PLAA: variants seen among roughly 807,000 people sequenced by gnomAD.
The protein encoded by PLAA is phospholipase A2 activating protein.
In PLAA, 48 loss-of-function variants were observed where a neutral mutation model predicts 84.1. That is an observed-to-expected ratio of 0.57 (90% CI 0.45 to 0.73). The LOEUF (loss-of-function observed/expected upper bound fraction) is 0.73, where lower values mean the gene tolerates loss of function less well. PLAA is among the 30% of genes least tolerant of loss of function. The pLI is 0.00. For missense variants in PLAA, 903 were observed against 954.7 expected, an observed-to-expected ratio of 0.95 and a Z score of 0.71; for synonymous variants, 392 against 336.6, an observed-to-expected ratio of 1.16 and a Z score of -1.80.
chr9:26,913,537 C>T (rs1053623224), intron 11 of PLAA, among the ~76,000 whole-genome samples: 4 of 152,062 alleles, frequency 2.6e-5, no homozygotes, highest in South Asian at 4.1e-4. Context: ...AGCAGATTTA[C>T]GACAGTAAAA....
At chr9:26,927,676 T>C (rs1185261873) in intron 4 of PLAA, among the ~76,000 whole-genome samples, 5 of 152,186 alleles carry the variant, frequency 3.3e-5, no homozygotes, top group Admixed American at 6.5e-5. Context: ...AAATTCGTTA[T>C]AAACAATGTG....
intron 6 of PLAA, 134 bp downstream of exon 6, chr9:26,925,691 T>C (rs1416631616): frequency 2.9e-6 from 2 of 679,730 alleles, no homozygotes; most frequent in African/African-American, 3.6e-5. Flanking sequence ...CTACTACTGT[T>C]TTGTTTAGTA....
chr9:26,938,717 G>C (rs1825435367), intron 1 of PLAA, among the ~76,000 whole-genome samples: 1 of 152,080 alleles, frequency 6.6e-6, no homozygotes, highest in South Asian at 2.1e-4. Flanking sequence ...AAATACGATA[G>C]TGGTTTATAA....
In PLAA at chr9:26,906,449, G is replaced by GA. The variant is rs1243571554; in HGVS notation, c.1823-374dup. Among the ~76,000 whole-genome samples the GA allele has an allele frequency of 1.4e-3, 158 of 110,312 alleles. No homozygotes were observed. In the East Asian group the frequency reaches 0.034, roughly 24 times the overall value. The allele number at this position is 110,312 out of a possible 152,430, so 72.4% of individuals were successfully genotyped here. A position where few individuals can be genotyped will look rare whatever the true frequency, so the allele number is the denominator to read the frequency against. On this transcript the variant is annotated intron_variant, in intron 13 of 13. Transcript: ENST00000397292. The stretch of plus-strand genomic sequence containing the variant: ...TTTTTTTTTTTTTTTTTTTTTTTGA[G>GA]ACAGTTTCACTCCTGTTGCCCAGGC...
At chr9:26,910,303 G>A (rs545039236) in intron 12 of PLAA, 35 bp downstream of exon 12, 1 of 1,462,480 alleles carries the variant, frequency 6.8e-7, no homozygotes, top group Admixed American at 1.7e-5. Context: ...CAAACAGTCT[G>A]TGAATATGTG....
chr9:26,927,127 C>CTTTTTTTTTTTTTTTTTTT (rs10672584), intron 4 of PLAA, among the ~76,000 whole-genome samples: 1 of 136,784 alleles, frequency 7.3e-6, no homozygotes, highest in African/African-American at 2.8e-5. Flanking sequence ...TTTTGTTTTT[C>CTTTTTTTTTTTTTTTTTTT]TTTTTTTTTT....
At chr9:26,929,761 T>C (rs1478549832) in intron 2 of PLAA, among the ~76,000 whole-genome samples, 1 of 152,204 alleles carries the variant, frequency 6.6e-6, no homozygotes, top group Non-Finnish European at 1.5e-5. Flanking sequence ...TTGGGTATGG[T>C]TGACAGCTTA....
At chr9:26,908,929 CCTA>C (rs1678225534) in intron 12 of PLAA, among the ~76,000 whole-genome samples, 1 of 152,144 alleles carries the variant, frequency 6.6e-6, no homozygotes, top group South Asian at 2.1e-4. Flanking sequence ...GAGTTAAATG[CCTA>C]CTGATAACAT....
intron 9 of PLAA, among the ~76,000 whole-genome samples, chr9:26,917,606 A>T (rs528666449): frequency 6.6e-6 from 1 of 152,308 alleles, no homozygotes; most frequent in East Asian, 1.9e-4. Context: ...TGTGTCAAAC[A>T]ATGGACTCAG....
In PLAA at chr9:26,947,122, G is replaced by T; in HGVS notation, c.-77C>A. ...GCAGGGGCGACTCGGAGAGCGCCGG[G>T]CCGCGGCGGGAGAAGAGCCTGCAGG... On this transcript the variant is annotated 5_prime_UTR_variant, in exon 1 of 14. Transcript: ENST00000397292. The T allele has an allele frequency of 2.9e-6, 4 of 1,392,910 alleles. No individual in the cohort carries two copies. The highest frequency in any genetic ancestry group is 3.7e-6 in the Non-Finnish European group (4 of 1,070,216). The allele number at this position is 1,392,910 out of a possible 1,614,324, so 86.3% of individuals were successfully genotyped here. A position where few individuals can be genotyped will look rare whatever the true frequency, so the allele number is the denominator to read the frequency against.
intron 1 of PLAA, among the ~76,000 whole-genome samples, chr9:26,937,039 G>A (rs991479550): frequency 6.6e-6 from 1 of 152,078 alleles, no homozygotes; most frequent in Non-Finnish European, 1.5e-5. Flanking sequence ...TACTTGGGAG[G>A]CCGAGGCAAG....
At position 26,925,825 on chromosome 9, in the gene PLAA, C is replaced by G. The variant is rs1328200146; in HGVS notation, c.869G>C (p.Ser290Thr). 1 of 1,613,580 alleles carries G rather than the reference C, an allele frequency of 6.2e-7. No individual in the cohort carries two copies. The highest frequency in any genetic ancestry group is 2.2e-5 in the East Asian group (1 of 44,850). ...LDNGDIVVGASDGIIRVFTES... is the reference protein window; with the variant it reads ...LDNGDIVVGATDGIIRVFTES... ...TAATGATTGACTAGAATATAAATAC[C>G]TCGCACCAACCACAATGTCACCATT... Residue 290 changes from serine to threonine, a missense_variant and splice_region_variant, in exon 6 of 14, where the codon AGT (serine) becomes ACT (threonine). Transcript: ENST00000397292.
chr9:26,932,727 T>C (rs1027269662), intron 2 of PLAA, among the ~76,000 whole-genome samples: 1 of 152,208 alleles, frequency 6.6e-6, no homozygotes, highest in Non-Finnish European at 1.5e-5. Context: ...AAATAAGATA[T>C]CTCTACTTCT....
Position 26,933,661 on chromosome 9 carries a change from C to A in PLAA, c.343+1352G>T, listed in dbSNP as rs1408704332. Among the ~76,000 whole-genome samples the A allele has an allele frequency of 2.0e-5, 3 of 151,216 alleles. No homozygotes were observed. The South Asian group carries it at 6.3e-4, about 32-fold the overall frequency. Reference sequence around the variant, plus strand: ...AAAATTAGCCGGGCGTGGTAGCAGGCGCCTGTAGTCCCAGCTACTCGGCAG... The same window carrying A: ...AAAATTAGCCGGGCGTGGTAGCAGGAGCCTGTAGTCCCAGCTACTCGGCAG... On this transcript the variant is annotated intron_variant, in intron 2 of 13. Coordinates refer to ENST00000397292, the MANE Select transcript of PLAA (RefSeq NM_001031689.3).
intron 1 of PLAA, among the ~76,000 whole-genome samples, chr9:26,935,951 A>G (rs1010729828): frequency 6.6e-6 from 1 of 151,922 alleles, no homozygotes; most frequent in African/African-American, 2.4e-5. Context: ...TGTGACATGT[A>G]TCAATCACTT....
intron 1 of PLAA, among the ~76,000 whole-genome samples, chr9:26,941,024 G>A (rs1054430846): frequency 1.3e-5 from 2 of 152,038 alleles, no homozygotes; most frequent in Non-Finnish European, 2.9e-5. Context: ...TTCGGTAGTG[G>A]TCTGTGAAGT....
chr9:26,923,129 A>G (rs780799523), intron 7 of PLAA, 49 bp downstream of exon 7: 1 of 1,364,044 alleles, frequency 7.3e-7, no homozygotes, highest in African/African-American at 1.5e-5. Context: ...AATTGTTCCA[A>G]AAGCCAAATA....
intron 1 of PLAA, 106 bp from the exon 2 acceptor site, chr9:26,935,312 A>G (rs1416089376): frequency 1.6e-6 from 1 of 612,212 alleles, no homozygotes; most frequent in Non-Finnish European, 2.7e-6. Flanking sequence ...CAAACTTTAG[A>G]GTATATACTA....
chr9:26,933,023 A>C (rs1352729697), intron 2 of PLAA, among the ~76,000 whole-genome samples: 1 of 152,058 alleles, frequency 6.6e-6, no homozygotes, highest in African/African-American at 2.4e-5. Context: ...TAATCCCAGC[A>C]CTTTGGGAAG....
Sources: allele counts gnomAD v4.1 joint callset (sites outside exome capture counted in the v4.1 genomes callset), GRCh38; gene constraint gnomAD v4.1.1; transcripts MANE v1.5; gene names NCBI Gene and HGNC (gene_info 2026-07-23, HGNC 2026-07-21).